Variants in FBN1 observed in about 807,000 individuals in gnomAD.
FBN1 encodes fibrillin 1.
FBN1 carries 29 observed loss-of-function variants against 365.1 expected under a neutral mutation model. The ratio of observed to expected loss-of-function variants is 0.08; its 90% CI spans 0.06 to 0.11. The LOEUF (loss-of-function observed/expected upper bound fraction) is 0.11. Among genes scored for constraint, FBN1 ranks in the 10% least tolerant of loss-of-function variants. The probability of loss-of-function intolerance (pLI) is 1.00; values close to 1 mark genes in which losing one functional copy is unlikely to be tolerated. For synonymous variants in FBN1, 1,210 were observed against 1,270.5 expected, an observed-to-expected ratio of 0.95 and a Z score of 1.01; for missense variants, 2,476 against 3,703.2, an observed-to-expected ratio of 0.67 and a Z score of 8.60.
intron 1 of FBN1, among the ~76,000 whole-genome samples, chr15:48,645,329 G>A (rs1241540589): frequency 6.6e-6 from 1 of 152,184 alleles, no homozygotes; most frequent in African/African-American, 2.4e-5. Flanking sequence ...CAGCCGCGCC[G>A]TCCCCGCCGA....
intron 6 of FBN1, among the ~76,000 whole-genome samples, chr15:48,562,908 T>C (rs2044233936): frequency 6.6e-6 from 1 of 152,220 alleles, no homozygotes; most frequent in South Asian, 2.1e-4. Flanking sequence ...CTAATTTTCA[T>C]TAGTCTTTTA....
intron 61 of FBN1, 61 bp downstream of exon 61, chr15:48,421,891 G>T: frequency 7.2e-7 from 1 of 1,390,262 alleles, no homozygotes; most frequent in Non-Finnish European, 1.0e-6. Context: ...AGAGGAAATA[G>T]AAAATAATCC....
chr15:48,578,557 C>T (rs140958619), intron 6 of FBN1, among the ~76,000 whole-genome samples: 1,950 of 152,046 alleles, frequency 0.013, 44 homozygotes, highest in African/African-American at 0.045. Context: ...TCAAATGGTA[C>T]TTCTAGTTCT....
chr15:48,510,371 T>A (rs946522716), intron 13 of FBN1, among the ~76,000 whole-genome samples: 1 of 152,176 alleles, frequency 6.6e-6, no homozygotes, highest in Non-Finnish European at 1.5e-5. Flanking sequence ...AAAACCTGTA[T>A]AATGGCATTA....
Position 48,487,457 on chromosome 15 carries a change from ATG to A in FBN1, c.3338-22_3338-21del, listed in dbSNP as rs1406601409. 1 of 1,612,950 alleles carries A rather than the reference ATG, an allele frequency of 6.2e-7. No individual in the cohort carries two copies. Among genetic ancestry groups the A allele is most frequent in the Non-Finnish European group, 8.5e-7 (1 of 1,179,782 alleles). ...CAATATCTGCAAAATGGAAATGACC[ATG>A]TTAAAGGTGGGGGCCTCATCTCCTC... On this transcript the variant is annotated intron_variant, in intron 27 of 65. Transcript: ENST00000316623.
rs183173587 is a variant in FBN1 at position 48,415,445 on chromosome 15, T to C, written c.8051+91A>G. The stretch of plus-strand genomic sequence containing the variant: ...AGGATTACAAAAAGCATGGTTCTCC[T>C]CTGCTAGGACAGGTAATTTTGAGTT... On this transcript the variant is annotated intron_variant, in intron 64 of 65. Transcript: ENST00000316623. 4,925 of 997,862 alleles carry C rather than the reference T, an allele frequency of 4.9e-3. 19 individuals carry two copies. Among genetic ancestry groups the C allele is most frequent in the Non-Finnish European group, 6.7e-3 (4,200 of 630,894 alleles). 61.8% of individuals were successfully genotyped at this position (997,862 alleles called of 1,614,324 possible). A position where few individuals can be genotyped will look rare whatever the true frequency, so the allele number is the denominator to read the frequency against.
chr15:48,610,622 G>A, intron 4 of FBN1, 106 bp downstream of exon 4: 1 of 830,244 alleles, frequency 1.2e-6, no homozygotes, highest in Non-Finnish European at 2.0e-6. Flanking sequence ...AGATGTTCTA[G>A]TGAAAAAATG....
intron 32 of FBN1, among the ~76,000 whole-genome samples, chr15:48,478,516 G>A (rs1239576858): frequency 6.6e-6 from 1 of 152,090 alleles, no homozygotes; most frequent in East Asian, 1.9e-4. Context: ...CATGATGGGA[G>A]GTAGGGTCTT....
chr15:48,489,042 T>G (rs1164957671), intron 25 of FBN1, among the ~76,000 whole-genome samples: 2 of 152,044 alleles, frequency 1.3e-5, no homozygotes, highest in East Asian at 1.9e-4. Flanking sequence ...TAAGATGTCT[T>G]TCTTTCTTTT....
intron 30 of FBN1, 24 bp from the exon 31 acceptor site, chr15:48,483,967 CACAGGTTGTTGATAT>C: frequency 6.2e-7 from 1 of 1,610,484 alleles, no homozygotes; most frequent in South Asian, 1.1e-5. Context: ...AACCAACAAC[CACAGGTTGTTGATAT>C]TGGTTCCACT....
chr15:48,497,458 T>C (rs1402177926), intron 18 of FBN1, 67 bp from the exon 19 acceptor site: 59 of 1,453,448 alleles, frequency 4.1e-5, no homozygotes, highest in Non-Finnish European at 7.7e-6. Flanking sequence ...TTGTTAAAAA[T>C]ATAACACTAC....
chr15:48,540,439 G>A (rs1019103778), intron 6 of FBN1, among the ~76,000 whole-genome samples: 3 of 152,118 alleles, frequency 2.0e-5, no homozygotes, highest in Admixed American at 6.5e-5. Context: ...CATTGCCAAA[G>A]CTTTTTCCCA....
intron 6 of FBN1, among the ~76,000 whole-genome samples, chr15:48,542,314 A>G (rs2044063778): frequency 6.6e-6 from 1 of 152,212 alleles, no homozygotes; most frequent in Non-Finnish European, 1.5e-5. Context: ...CAAGGATATA[A>G]TTTTGGGCAC....
intron 8 of FBN1, among the ~76,000 whole-genome samples, chr15:48,531,323 A>G (rs186853375): frequency 3.9e-5 from 6 of 152,160 alleles, no homozygotes; most frequent in African/African-American, 1.2e-4. Flanking sequence ...GAATTCTGCA[A>G]GAGGAAGATC....
At chr15:48,442,270 C>T (rs562931235) in intron 49 of FBN1, among the ~76,000 whole-genome samples, 2 of 152,258 alleles carry the variant, frequency 1.3e-5, no homozygotes, top group East Asian at 3.9e-4. Context: ...GAGATCTAGG[C>T]CTTTGATCCA....
At chr15:48,552,019 C>T (rs1298927228) in intron 6 of FBN1, among the ~76,000 whole-genome samples, 1 of 152,012 alleles carries the variant, frequency 6.6e-6, no homozygotes, top group African/African-American at 2.4e-5. Context: ...GGGTATATAC[C>T]CGGTAGTGGT....
intron 9 of FBN1, among the ~76,000 whole-genome samples, chr15:48,525,117 C>T (rs993522043): frequency 6.0e-5 from 9 of 150,162 alleles, no homozygotes; most frequent in Non-Finnish European, 1.3e-4. Context: ...GATGAAGTCT[C>T]GTTCTATCGC....
chr15:48,633,370 C>A (rs1459473532), intron 2 of FBN1, among the ~76,000 whole-genome samples: 1 of 152,136 alleles, frequency 6.6e-6, no homozygotes, highest in Non-Finnish European at 1.5e-5. Context: ...CAACAAGAAA[C>A]CAAGCTTAAT....
intron 24 of FBN1, 85 bp from the exon 25 acceptor site, chr15:48,490,163 T>C: frequency 9.0e-7 from 1 of 1,106,584 alleles, no homozygotes. Context: ...GGTAAAATAC[T>C]GCACACATAA....
Sources: gnomAD v4.1 joint callset for allele counts (sites outside exome capture counted in the v4.1 genomes callset) on GRCh38, gnomAD v4.1.1 for gene constraint, MANE v1.5 for transcripts, NCBI Gene and HGNC (gene_info 2026-07-23, HGNC 2026-07-21) for gene names.